PCDHGA5: variants seen among roughly 807,000 people sequenced by gnomAD.
PCDHGA5 encodes protocadherin gamma subfamily A, 5.
Under a neutral mutation model 56.7 loss-of-function variants are expected in PCDHGA5, and 36 were observed. That is an observed-to-expected ratio of 0.64 (90% CI 0.49 to 0.84). PCDHGA5 has a LOEUF of 0.84. Among genes scored for constraint, PCDHGA5 ranks in the 40% least tolerant of loss-of-function variants. PCDHGA5 has a pLI of 0.00. For synonymous variants in PCDHGA5, 563 were observed against 520.2 expected (o/e 1.08, Z -1.12); for missense variants, 1,305 against 1,201.5 (o/e 1.09, Z -1.27).
intron 1 of PCDHGA5, chr5:141,383,806 A>C: frequency 6.2e-7 from 1 of 1,614,006 alleles, no homozygotes; most frequent in Non-Finnish European, 8.5e-7. Context: ...AGAAATATCA[A>C]CTTTAGAAGG....
intron 1 of PCDHGA5, chr5:141,389,414 G>A (rs2091750366): frequency 6.2e-7 from 1 of 1,613,464 alleles, no homozygotes; most frequent in Non-Finnish European, 8.5e-7. Context: ...CGGAGAGCGG[G>A]GTGGTGTTCG....
chr5:141,389,200 A>C, intron 1 of PCDHGA5: 1 of 1,614,034 alleles, frequency 6.2e-7, no homozygotes, highest in Non-Finnish European at 8.5e-7. Context: ...ATCACCCTGC[A>C]CATTGGTGAT....
chr5:141,373,336 T>C (rs1769491453), intron 1 of PCDHGA5, among the ~76,000 whole-genome samples: 1 of 152,216 alleles, frequency 6.6e-6, no homozygotes, highest in South Asian at 2.1e-4. Flanking sequence ...GCATCTAAAA[T>C]GGCAACTCTT....
At chr5:141,409,813 C>T in intron 1 of PCDHGA5, 2 of 1,611,170 alleles carry the variant, frequency 1.2e-6, no homozygotes, top group African/African-American at 1.3e-5. Flanking sequence ...CCCGCGACCA[C>T]GGCTCGCCCA....
chr5:141,485,279 C>T lies in PCDHGA5; in HGVS notation c.2422-9528C>T. 1 of 1,614,108 alleles carries T rather than the reference C, an allele frequency of 6.2e-7. No individual in the cohort carries two copies. Among genetic ancestry groups the T allele is most frequent in the Non-Finnish European group, 8.5e-7 (1 of 1,179,966 alleles). ...TTGTGGGCAGATCCGCTACCCGGTC[C>T]CAGAGGAGTCACAGGAAGGGACTTT... On this transcript the variant is annotated intron_variant, in intron 1 of 3. Transcript: ENST00000518069. The surrounding 1 kb of genome is among the most constrained non-coding windows in gnomAD (Gnocchi z 5.7).
At position 141,432,942 on chromosome 5, in the gene PCDHGA5, C is replaced by G. The variant is rs1346694514; in HGVS notation, c.2422-61865C>G. ...CACAAGTCACGCCTGCTGCAGGCTT[C>G]AGGAGGCGGCTTGACAGGAGCGCCG... On this transcript the variant is annotated intron_variant, in intron 1 of 3. Coordinates refer to ENST00000518069, the MANE Select transcript of PCDHGA5 (RefSeq NM_018918.3). The surrounding 1 kb of genome is among the most constrained non-coding windows in gnomAD (Gnocchi z 6.0). The G allele has an allele frequency of 1.2e-6, 2 of 1,614,190 alleles. No individual in the cohort carries two copies. Among genetic ancestry groups the G allele is most frequent in the Non-Finnish European group, 1.7e-6 (2 of 1,180,036 alleles).
At chr5:141,510,887 G>C (rs2099883217) in intron 3 of PCDHGA5, 60 bp from the exon 4 acceptor site, 2 of 1,612,600 alleles carry the variant, frequency 1.2e-6, no homozygotes, top group East Asian at 4.5e-5. Context: ...GGGGATATAA[G>C]ACAGTGACTG....
At chr5:141,415,863 GTGT>G in intron 1 of PCDHGA5, 1 of 1,107,154 alleles carries the variant, frequency 9.0e-7, no homozygotes, top group Non-Finnish European at 1.2e-6. Flanking sequence ...GTAGTTTATA[GTGT>G]TGTTGAGTAC....
chr5:141,407,027 CT>C (rs1297630291), intron 1 of PCDHGA5, among the ~76,000 whole-genome samples: 1 of 152,128 alleles, frequency 6.6e-6, no homozygotes, highest in Non-Finnish European at 1.5e-5. Context: ...AAATTCTATG[CT>C]AAACATGTGA....
At chr5:141,371,542 T>A in intron 1 of PCDHGA5, 1 of 1,613,786 alleles carries the variant, frequency 6.2e-7, no homozygotes, top group Non-Finnish European at 8.5e-7. Flanking sequence ...GGAGAAATCC[T>A]ATGCCAACTA....
chr5:141,431,968 T>G lies in PCDHGA5; in HGVS notation c.2422-62839T>G, dbSNP rs571981127. 6.2e-7 allele frequency: 1 copy of G among 1,614,190 alleles called. No individual in the cohort carries two copies. Among genetic ancestry groups the G allele is most frequent in the Admixed American group, 1.7e-5 (1 of 60,024 alleles). On this transcript the variant is annotated intron_variant, in intron 1 of 3. Coordinates refer to ENST00000518069, the MANE Select transcript of PCDHGA5 (RefSeq NM_018918.3). The surrounding 1 kb of genome is among the most constrained non-coding windows in gnomAD (Gnocchi z 4.8). ...AAAAATCTTACGGAAATTACTATAGTTTAGTCACAGACATAGTCTTGGATA... is the reference window on the plus strand; with the variant it reads ...AAAAATCTTACGGAAATTACTATAGGTTAGTCACAGACATAGTCTTGGATA...
intron 1 of PCDHGA5, among the ~76,000 whole-genome samples, chr5:141,484,281 C>T (rs969039536): frequency 6.6e-6 from 1 of 152,202 alleles, no homozygotes; most frequent in Admixed American, 6.5e-5. Context: ...TGTTTTGAAA[C>T]ATCTCCCTCT....
In PCDHGA5 at chr5:141,365,132, G is replaced by T; in HGVS notation, c.802G>T (p.Asp268Tyr). 3 of 1,613,884 alleles carry T rather than the reference G, an allele frequency of 1.9e-6. No individual in the cohort carries two copies. Among genetic ancestry groups the T allele is most frequent in the Admixed American group, 1.7e-5 (1 of 60,020 alleles). ...TCGGCTGCTCATGCTAACCGCCACG[G>T]ATCCAGATGAGGGAATAAACGGGAA... ...GTRLLMLTATDPDEGINGKLT... is the reference protein window; with the variant it reads ...GTRLLMLTATYPDEGINGKLT... The change falls in exon 1 of 4, where the codon GAT becomes TAT. Residue 268 changes from aspartate (D) to tyrosine (Y), a missense_variant. Asp to Tyr is a radical substitution (Grantham distance 160, BLOSUM62 -3). Transcript: ENST00000518069.
intron 1 of PCDHGA5, chr5:141,421,851 T>G: frequency 6.2e-7 from 1 of 1,613,714 alleles, no homozygotes; most frequent in East Asian, 2.2e-5. Context: ...AAGAGGCTGC[T>G]CACCTGCTCC....
intron 1 of PCDHGA5, among the ~76,000 whole-genome samples, chr5:141,468,079 C>A (rs2099157359): frequency 6.6e-6 from 1 of 151,986 alleles, no homozygotes; most frequent in African/African-American, 2.4e-5. Context: ...AATCCCAGCA[C>A]TTTGGGAGGT....
chr5:141,460,553 C>A (rs2098991893), intron 1 of PCDHGA5, among the ~76,000 whole-genome samples: 1 of 152,032 alleles, frequency 6.6e-6, no homozygotes. Context: ...AATCAAAAAT[C>A]ATTTGGCCAT....
intron 1 of PCDHGA5, among the ~76,000 whole-genome samples, chr5:141,474,163 T>A (rs958292802): frequency 2.0e-5 from 3 of 152,178 alleles, no homozygotes; most frequent in Non-Finnish European, 2.9e-5. Flanking sequence ...ATGACAGGCC[T>A]TATTATTGAG....
At position 141,371,244 on chromosome 5, in the gene PCDHGA5, A is replaced by T. The variant is rs1767599935; in HGVS notation, c.2421+4493A>T. ...CGAAATCATCTATGCCTTCATCAATATTGGCAAGGAAGTGAGACAACTGTT... is the reference window on the plus strand; with the variant it reads ...CGAAATCATCTATGCCTTCATCAATTTTGGCAAGGAAGTGAGACAACTGTT... On this transcript the variant is annotated intron_variant, in intron 1 of 3. Transcript: ENST00000518069. 1.9e-6 allele frequency: 3 copies of T among 1,614,038 alleles called. No individual in the cohort carries two copies. Among genetic ancestry groups the T allele is most frequent in the Non-Finnish European group, 2.5e-6 (3 of 1,179,908 alleles).
chr5:141,476,187 G>T lies in PCDHGA5; in HGVS notation c.2422-18620G>T. 1 of 1,613,782 alleles carries T rather than the reference G, an allele frequency of 6.2e-7. No individual in the cohort carries two copies. The highest frequency in any genetic ancestry group is 8.5e-7 in the Non-Finnish European group (1 of 1,180,028). ...GTAGTGGGAGTTTTGCTTCTGCTTG[G>T]TGCCTTGAACAAGGCTTCCACGGTC... On this transcript the variant is annotated intron_variant, in intron 1 of 3. Transcript: ENST00000518069. This position sits in a 1 kb window ranked among gnomAD's most constrained non-coding sequence, Gnocchi z 7.6.
Sources: gnomAD v4.1 joint callset for allele counts (sites outside exome capture counted in the v4.1 genomes callset) on GRCh38, gnomAD v4.1.1 for gene constraint, Gnocchi (gnomAD v3.1) non-coding constraint, MANE v1.5 for transcripts, NCBI Gene and HGNC (gene_info 2026-07-23, HGNC 2026-07-21) for gene names.